Variants in ELMOD1 observed in about 807,000 individuals in gnomAD.
The protein encoded by ELMOD1 is ELMO domain-containing protein 1.
In ELMOD1, 21 loss-of-function variants were observed where a neutral mutation model predicts 46.7. That is an observed-to-expected ratio of 0.45 (90% CI 0.32 to 0.65). The LOEUF (loss-of-function observed/expected upper bound fraction) is 0.65. Among genes scored for constraint, ELMOD1 ranks in the 30% least tolerant of loss-of-function variants. The pLI, the probability that ELMOD1 is intolerant of heterozygous loss-of-function variation, is 0.04. For missense variants in ELMOD1, 348 were observed against 407.8 expected, an observed-to-expected ratio of 0.85 and a Z score of 1.26; for synonymous variants, 122 against 138.2, an observed-to-expected ratio of 0.88 and a Z score of 0.82.
intron 1 of ELMOD1, among the ~76,000 whole-genome samples, chr11:107,599,765 G>GAAAAAAAAAAAAA (rs67957721): frequency 1.3e-5 from 1 of 78,956 alleles, no homozygotes; most frequent in Non-Finnish European, 2.5e-5. Flanking sequence ...AAAAAGAAAA[G>GAAAAAAAAAAAAA]AAAAAAAAAA....
At chr11:107,598,844 C>T (rs1865538802) in intron 1 of ELMOD1, among the ~76,000 whole-genome samples, 1 of 152,226 alleles carries the variant, frequency 6.6e-6, no homozygotes, top group African/African-American at 2.4e-5. Context: ...TCTAGCCCAC[C>T]TGGAGATTTT....
intron 2 of ELMOD1, among the ~76,000 whole-genome samples, chr11:107,629,326 A>T (rs368009211): frequency 3.9e-5 from 6 of 152,326 alleles, no homozygotes; most frequent in South Asian, 2.1e-4. Flanking sequence ...CTTATTTTAG[A>T]ACTGGAAGGA....
chr11:107,635,890 C>T, intron 6 of ELMOD1, 125 bp downstream of exon 6: 2 of 987,614 alleles, frequency 2.0e-6, no homozygotes, highest in Non-Finnish European at 2.8e-6. Context: ...GGGCACCTAA[C>T]TGGTTGGTAA....
chr11:107,637,712 A>G (rs1052407291), intron 6 of ELMOD1, among the ~76,000 whole-genome samples: 12 of 152,002 alleles, frequency 7.9e-5, no homozygotes, highest in Non-Finnish European at 1.5e-4. Flanking sequence ...AAACCAAAAA[A>G]AAAAAAATCA....
chr11:107,644,956 C>T (rs543739221), intron 6 of ELMOD1, among the ~76,000 whole-genome samples: 13 of 151,044 alleles, frequency 8.6e-5, no homozygotes, highest in Admixed American at 7.2e-4. Flanking sequence ...TAGACTCTCA[C>T]TCTGTCGCCC....
At chr11:107,646,743 A>AT (rs1414286921) in intron 6 of ELMOD1, among the ~76,000 whole-genome samples, 1 of 152,038 alleles carries the variant, frequency 6.6e-6, no homozygotes, top group Non-Finnish European at 1.5e-5. Context: ...TCCAAAAAAA[A>AT]GCAAAAAGAA....
chr11:107,661,593 T>G (rs1178775588), intron 11 of ELMOD1, among the ~76,000 whole-genome samples: 1 of 152,144 alleles, frequency 6.6e-6, no homozygotes, highest in Non-Finnish European at 1.5e-5. Flanking sequence ...TCAGGAAAAT[T>G]TATGTATGTA....
rs940135118 is a variant in ELMOD1, at chr11:107,631,610, G to A, written c.223G>A (p.Asp75Asn). ...GCAGACTTCTGTGAGTGTTCACCCC[G>A]ACGCTATTGAAAAAACTATAGAAGA... is the stretch of plus-strand genomic sequence containing the variant. ...LLQTSVSVHP[D>N]AIEKTIEDIM... The change falls in exon 5 of 12, where the codon GAC becomes AAC. Residue 75 changes from aspartate (D) to asparagine (N), a missense_variant. Physicochemically the swap from Asp to Asn is conservative, Grantham distance 23 (BLOSUM62 1). Coordinates refer to ENST00000265840, the MANE Select transcript of ELMOD1 (RefSeq NM_018712.4). The A allele has an allele frequency of 1.2e-5, 18 of 1,565,112 alleles. No individual in the cohort carries two copies. Among genetic ancestry groups the A allele is most frequent in the African/African-American group, 4.1e-5 (3 of 73,454 alleles).
chr11:107,638,431 G>A (rs1866266096), intron 6 of ELMOD1, among the ~76,000 whole-genome samples: 1 of 152,156 alleles, frequency 6.6e-6, no homozygotes. Flanking sequence ...TGAGGAAACT[G>A]AAGCTGAGCA....
intron 1 of ELMOD1, among the ~76,000 whole-genome samples, chr11:107,603,913 A>T (rs1865645718): frequency 6.6e-6 from 1 of 152,062 alleles, no homozygotes; most frequent in African/African-American, 2.4e-5. Flanking sequence ...AAAAAAAAAC[A>T]GTGTTAAATA....
chr11:107,612,986 A>G (rs1865804912), intron 1 of ELMOD1, among the ~76,000 whole-genome samples: 1 of 152,106 alleles, frequency 6.6e-6, no homozygotes. Context: ...ATTAGAACTA[A>G]TGGTTATTTT....
chr11:107,609,844 T>C (rs967028569), intron 1 of ELMOD1, among the ~76,000 whole-genome samples: 18 of 152,148 alleles, frequency 1.2e-4, no homozygotes, highest in Non-Finnish European at 2.5e-4. Flanking sequence ...CCTGTATACA[T>C]TGAGAAAAAT....
At chr11:107,606,376 C>T (rs1388832223) in intron 1 of ELMOD1, among the ~76,000 whole-genome samples, 1 of 152,220 alleles carries the variant, frequency 6.6e-6, no homozygotes. Flanking sequence ...TACAAACCAT[C>T]TGTGCTCTTG....
At chr11:107,595,628 A>C (rs1865480036) in intron 1 of ELMOD1, among the ~76,000 whole-genome samples, 1 of 152,158 alleles carries the variant, frequency 6.6e-6, no homozygotes, top group Non-Finnish European at 1.5e-5. Context: ...TACATTTTAT[A>C]TTCTAAGTCC....
intron 1 of ELMOD1, among the ~76,000 whole-genome samples, chr11:107,599,685 T>G (rs1397634778): frequency 2.9e-5 from 4 of 136,280 alleles, no homozygotes; most frequent in Non-Finnish European, 4.5e-5. Context: ...GAGGTTACAA[T>G]GAGCCAAGAT....
At chr11:107,607,976 A>T (rs1273998900) in intron 1 of ELMOD1, among the ~76,000 whole-genome samples, 1 of 151,306 alleles carries the variant, frequency 6.6e-6, no homozygotes, top group Non-Finnish European at 1.5e-5. Context: ...TTATTGTTAA[A>T]TGGAATTTTT....
chr11:107,615,555 T>C (rs1865848234), intron 1 of ELMOD1, among the ~76,000 whole-genome samples: 1 of 152,152 alleles, frequency 6.6e-6, no homozygotes, highest in African/African-American at 2.4e-5. Context: ...CTTACGTTAA[T>C]ATTATACATT....
At chr11:107,612,023 A>G (rs1865789194) in intron 1 of ELMOD1, among the ~76,000 whole-genome samples, 1 of 152,224 alleles carries the variant, frequency 6.6e-6, no homozygotes, top group Non-Finnish European at 1.5e-5. Flanking sequence ...TTGGGTATAT[A>G]TCCAAAAGAA....
intron 6 of ELMOD1, among the ~76,000 whole-genome samples, chr11:107,640,413 A>T (rs756232732): frequency 3.3e-5 from 5 of 152,202 alleles, no homozygotes; most frequent in Non-Finnish European, 5.9e-5. Context: ...CTGTGGACAT[A>T]AGAATTCTTA....
Sources: gnomAD v4.1 joint callset for allele counts (sites outside exome capture counted in the v4.1 genomes callset) on GRCh38, gnomAD v4.1.1 for gene constraint, MANE v1.5 for transcripts, NCBI Gene and HGNC (gene_info 2026-07-23, HGNC 2026-07-21) for gene names.